Variants in MYZAP observed in about 807,000 individuals in gnomAD.
The protein encoded by MYZAP is GRINL1A complex locus upstream.
In MYZAP, 66 loss-of-function variants were observed where a neutral mutation model predicts 69.4. That is an observed-to-expected ratio of 0.95 (90% confidence interval 0.78 to 1.17). MYZAP has a LOEUF of 1.17. MYZAP is among the 50% of genes most tolerant of loss of function. The probability of loss-of-function intolerance (pLI) is 0.00; values close to 1 mark genes in which losing one functional copy is unlikely to be tolerated. For missense variants in MYZAP, 611 were observed against 556.2 expected (o/e 1.10, Z -0.99); for synonymous variants, 256 against 205.9 (o/e 1.24, Z -2.09).
intron 10 of MYZAP, chr15:57,647,848 A>G (rs1567226650): frequency 3.0e-6 from 3 of 985,262 alleles, no homozygotes; most frequent in East Asian, 1.1e-4. Context: ...ATGCCCCTCA[A>G]TTCACCTCTT....
chr15:57,598,728 C>G (rs936016354), intron 1 of MYZAP, among the ~76,000 whole-genome samples: 3 of 152,168 alleles, frequency 2.0e-5, no homozygotes, highest in African/African-American at 7.2e-5. Flanking sequence ...TAGTTCAGCC[C>G]CTATCTGTTT....
intron 8 of MYZAP, 103 bp from the exon 9 acceptor site, chr15:57,637,592 G>T (rs1428139446): frequency 1.3e-5 from 16 of 1,266,626 alleles, no homozygotes; most frequent in African/African-American, 3.0e-5. Flanking sequence ...AACCCAGGGG[G>T]TGTCATATAG....
At chr15:57,643,979 G>A (rs1007882432) in intron 10 of MYZAP, among the ~76,000 whole-genome samples, 1 of 152,206 alleles carries the variant, frequency 6.6e-6, no homozygotes, top group African/African-American at 2.4e-5. Context: ...GTGCAAAGGT[G>A]CAAGGAATTG....
chr15:57,639,432 T>C lies in MYZAP; in HGVS notation c.1014-8T>C, dbSNP rs766865964. The C allele has an allele frequency of 6.2e-7, 1 of 1,613,854 alleles. No homozygotes were observed. The highest frequency in any genetic ancestry group is 8.5e-7 in the Non-Finnish European group (1 of 1,179,902). ...GACTCATTTGCTTTTTTCTCCTATTTGTGTTAGGTATCAGCAGTTGGAGGA... is the reference window on the plus strand; with the variant it reads ...GACTCATTTGCTTTTTTCTCCTATTCGTGTTAGGTATCAGCAGTTGGAGGA... On this transcript the variant is annotated splice_region_variant and splice_polypyrimidine_tract_variant and intron_variant, in intron 9 of 12. Coordinates refer to ENST00000267853, the MANE Select transcript of MYZAP (RefSeq NM_001018100.5).
At chr15:57,608,672 G>A (rs769987421) in intron 2 of MYZAP, among the ~76,000 whole-genome samples, 2 of 152,144 alleles carry the variant, frequency 1.3e-5, no homozygotes, top group Non-Finnish European at 2.9e-5. Context: ...CACAGTGTCC[G>A]GTTTATAATA....
chr15:57,633,733 A>G lies in MYZAP; in HGVS notation c.925A>G (p.Met309Val), dbSNP rs757704684. 6 of 1,607,484 alleles carry G rather than the reference A, an allele frequency of 3.7e-6. No homozygotes were observed. Among genetic ancestry groups the G allele is most frequent in the Admixed American group, 1.7e-5 (1 of 59,318 alleles). The change falls in exon 8 of 13, where the codon ATG becomes GTG. Residue 309 changes from methionine (M) to valine (V), a missense_variant. By Grantham distance (21) the Met-to-Val change is conservative. Transcript: ENST00000267853. ...GGAGCTGGACAGGCTGATTGAGCGC[A>G]TGGAAAAGGTAGGACACAGCGTTGG... Reference protein sequence around the residue: ...IGELDRLIERMEKERHQLQLQ... With the variant: ...IGELDRLIERVEKERHQLQLQ...
chr15:57,599,514 G>C, intron 1 of MYZAP: 1 of 1,222,298 alleles, frequency 8.2e-7, no homozygotes, highest in South Asian at 1.4e-5. Flanking sequence ...TTCGGTAGCA[G>C]TGGTGTTCAG....
chr15:57,673,588 G>A (rs901582845), intron 11 of MYZAP, among the ~76,000 whole-genome samples: 28 of 150,696 alleles, frequency 1.9e-4, no homozygotes, highest in African/African-American at 6.8e-4. Context: ...CCATCGATCT[G>A]TCATAGCATG....
chr15:57,668,550 TA>T (rs1374132168), intron 11 of MYZAP, among the ~76,000 whole-genome samples: 1 of 152,084 alleles, frequency 6.6e-6, no homozygotes, highest in African/African-American at 2.4e-5. Flanking sequence ...CAAAAGAAAA[TA>T]AATTGAGCCA....
rs2140627664 is a variant in MYZAP at position 57,674,524 on chromosome 15, T to C, written c.1204-444T>C. Among the ~76,000 whole-genome samples, 3 of 152,352 alleles carry C rather than the reference T, an allele frequency of 2.0e-5. No individual in the cohort carries two copies. The South Asian group carries it at 6.2e-4, about 32-fold the overall frequency. On this transcript the variant is annotated intron_variant, in intron 11 of 12. Transcript: ENST00000267853. ...TGAGGAGGTGTTAAAAGTTGGGCTG[T>C]ACCTTATTTATAATGGCAAAAACGT...
intron 6 of MYZAP, among the ~76,000 whole-genome samples, chr15:57,630,979 G>T (rs1316327687): frequency 3.9e-5 from 6 of 152,164 alleles, no homozygotes; most frequent in Admixed American, 6.5e-5. Context: ...CCACCGCCCG[G>T]TCTCTGTATT....
chr15:57,676,539 C>T (rs1313926939), intron 12 of MYZAP, among the ~76,000 whole-genome samples: 3 of 149,728 alleles, frequency 2.0e-5, no homozygotes, highest in African/African-American at 4.9e-5. Flanking sequence ...CCAAAAAGAA[C>T]GATCAATTGT....
chr15:57,653,167 C>T (rs1223019263), intron 10 of MYZAP, among the ~76,000 whole-genome samples: 1 of 151,714 alleles, frequency 6.6e-6, no homozygotes, highest in Non-Finnish European at 1.5e-5. Flanking sequence ...GCGATGTGTG[C>T]AAGTACACAC....
intron 11 of MYZAP, among the ~76,000 whole-genome samples, chr15:57,661,814 T>G (rs78281318): frequency 6.6e-6 from 1 of 152,228 alleles, no homozygotes; most frequent in East Asian, 1.9e-4. Context: ...TTAGCACTGA[T>G]AATTCCCCGC....
chr15:57,659,223 A>C (rs2038156901), intron 10 of MYZAP, among the ~76,000 whole-genome samples: 1 of 152,184 alleles, frequency 6.6e-6, no homozygotes, highest in South Asian at 2.1e-4. Context: ...TTTCAGGCAT[A>C]ACAAGGTATC....
intron 10 of MYZAP, among the ~76,000 whole-genome samples, chr15:57,644,317 C>A (rs2037329752): frequency 6.6e-6 from 1 of 152,160 alleles, no homozygotes; most frequent in Non-Finnish European, 1.5e-5. Flanking sequence ...GAGACAGTCA[C>A]CAGGGACCAG....
At chr15:57,608,976 A>G (rs2899602) in intron 2 of MYZAP, among the ~76,000 whole-genome samples, 45,030 of 152,066 alleles carry the variant, frequency 0.3, 6,869 homozygotes, top group East Asian at 0.38. Context: ...CCAGACTTCT[A>G]TGTGCTGGGG....
chr15:57,637,592 G>A, intron 8 of MYZAP, 103 bp from the exon 9 acceptor site: 1 of 1,266,742 alleles, frequency 7.9e-7, no homozygotes, highest in East Asian at 2.5e-5. Context: ...AACCCAGGGG[G>A]TGTCATATAG....
At chr15:57,616,901 A>G (rs1410682536) in intron 2 of MYZAP, among the ~76,000 whole-genome samples, 1 of 140,352 alleles carries the variant, frequency 7.1e-6, no homozygotes, top group Non-Finnish European at 1.5e-5. Context: ...TTAGCAGGAC[A>G]GCAGAATTAC....
Sources: gnomAD v4.1 joint callset for allele counts (sites outside exome capture counted in the v4.1 genomes callset) on GRCh38, gnomAD v4.1.1 for gene constraint, MANE v1.5 for transcripts, NCBI Gene and HGNC (gene_info 2026-07-23, HGNC 2026-07-21) for gene names.